Variants in NIPAL1 observed in about 807,000 individuals in gnomAD.
The protein encoded by NIPAL1 is NIPA like domain containing 1.
Under a neutral mutation model 37.7 loss-of-function variants are expected in NIPAL1, and 35 were observed. That is an observed-to-expected ratio of 0.93 (90% CI 0.71 to 1.23). NIPAL1 has a LOEUF of 1.23. Among genes scored for constraint, NIPAL1 ranks in the 50% most tolerant of loss-of-function variants. NIPAL1 has a pLI of 0.00. For missense variants in NIPAL1, 412 were observed against 473.9 expected (o/e 0.87, Z 1.21); for synonymous variants, 162 against 183.0 (o/e 0.89, Z 0.93).
intron 2 of NIPAL1, 33 bp from the exon 3 acceptor site, chr4:48,030,087 A>G (rs1326840714): frequency 2.1e-6 from 3 of 1,402,688 alleles, no homozygotes; most frequent in Non-Finnish European, 3.0e-6. Context: ...TGTAGAACCC[A>G]TTTTTTGTTA....
Position 48,035,135 on chromosome 4 carries a change from CA to C in NIPAL1, c.622+95del. The C allele has an allele frequency of 2.9e-6, 3 of 1,045,554 alleles. No individual in the cohort carries two copies. In the South Asian group the frequency reaches 4.1e-5, roughly 14 times the overall value. 64.8% of individuals were successfully genotyped at this position (1,045,554 alleles called of 1,614,324 possible). On this transcript the variant is annotated intron_variant, in intron 5 of 5. Coordinates refer to ENST00000295461, the MANE Select transcript of NIPAL1 (RefSeq NM_207330.3). ...TAATAATATTGTAATAAGCTTTCTA[CA>C]TTGTGGGCCGCATTGTGGGTTGTGA...
Position 48,036,182 on chromosome 4 carries a change from A to G in NIPAL1, c.*10A>G. 6.3e-7 allele frequency: 1 copy of G among 1,585,852 alleles called. No homozygotes were observed. The highest frequency in any genetic ancestry group is 8.5e-7 in the Non-Finnish European group (1 of 1,173,260). ...TAGAACTGATGACTGAAGTCTCTAG[A>G]AACACTGAGTTTTAACCAATATGAG... On this transcript the variant is annotated 3_prime_UTR_variant, in exon 6 of 6. Transcript: ENST00000295461.
rs1384972631 is a variant in NIPAL1, at chr4:48,027,105, G to A, written c.313+1771G>A. On this transcript the variant is annotated intron_variant, in intron 2 of 5. Coordinates refer to ENST00000295461, the MANE Select transcript of NIPAL1 (RefSeq NM_207330.3). This position sits in a 1 kb window ranked among gnomAD's most constrained non-coding sequence, Gnocchi z 4.1. ...TTTATATAAAGGAAGAGATTATCTA[G>A]ATTGACAAAAAAAATCCTATATGGA... 6.6e-6 allele frequency among the ~76,000 whole-genome samples: 1 copy of A among 151,892 alleles called. No individual in the cohort carries two copies. Among genetic ancestry groups the A allele is most frequent in the Non-Finnish European group, 1.5e-5 (1 of 67,976 alleles).
At chr4:48,025,035 A>C (rs1262882316) in intron 1 of NIPAL1, 33 bp from the exon 2 acceptor site, 14 of 1,599,398 alleles carry the variant, frequency 8.8e-6, no homozygotes, top group Non-Finnish European at 1.2e-5. Context: ...TCTCCCTTTC[A>C]TTCCTGACAT....
Position 48,037,263 on chromosome 4 carries a change from G to A in NIPAL1, c.*1091G>A, listed in dbSNP as rs182844111. 2.8e-3 allele frequency: 1,226 copies of A among 437,298 alleles called. 5 individuals are homozygous for A. The highest frequency in any genetic ancestry group is 3.9e-3 in the Non-Finnish European group (855 of 221,118). The allele number at this position is 437,298 out of a possible 1,614,324, so 27.1% of individuals were successfully genotyped here. A position where few individuals can be genotyped will look rare whatever the true frequency, so the allele number is the denominator to read the frequency against. ...TTTCTTCTCACAAAAACACAGACAC[G>A]TGATTGTTTTCACAGGTTCCATTAA... is the stretch of plus-strand genomic sequence containing the variant. On this transcript the variant is annotated 3_prime_UTR_variant, in exon 6 of 6. Coordinates refer to ENST00000295461, the MANE Select transcript of NIPAL1 (RefSeq NM_207330.3).
chr4:48,036,463 C>T lies in NIPAL1; in HGVS notation c.*291C>T. ...TCTGGTCACAGTATCTTTGTCTCTGCCAGGTGGCTCTTCATTTCTTTGGTA... is the reference window on the plus strand; with the variant it reads ...TCTGGTCACAGTATCTTTGTCTCTGTCAGGTGGCTCTTCATTTCTTTGGTA... On this transcript the variant is annotated 3_prime_UTR_variant, in exon 6 of 6. Coordinates refer to ENST00000295461, the MANE Select transcript of NIPAL1 (RefSeq NM_207330.3). The T allele has an allele frequency of 2.9e-6, 1 of 344,892 alleles. No individual in the cohort carries two copies. Among genetic ancestry groups the T allele is most frequent in the Non-Finnish European group, 5.2e-6 (1 of 191,034 alleles). 21.4% of individuals were successfully genotyped at this position (344,892 alleles called of 1,614,324 possible).
chr4:48,032,923 T>A, intron 3 of NIPAL1, 70 bp from the exon 4 acceptor site: 1 of 1,018,990 alleles, frequency 9.8e-7, no homozygotes, highest in Non-Finnish European at 1.5e-6. Flanking sequence ...CTGCTTTGCA[T>A]GAGTCATTTG....
chr4:48,034,735 C>T (rs112119537), intron 4 of NIPAL1, 146 bp from the exon 5 acceptor site: 3 of 595,418 alleles, frequency 5.0e-6, no homozygotes, highest in African/African-American at 3.7e-5. Context: ...AGTTTCAAAC[C>T]AATCTAGGGT....
chr4:48,032,216 A>G (rs1010424766), intron 3 of NIPAL1, among the ~76,000 whole-genome samples: 5 of 152,222 alleles, frequency 3.3e-5, no homozygotes, highest in African/African-American at 9.6e-5. Context: ...TCTCTCTACA[A>G]TAAGCATTTG....
intron 2 of NIPAL1, among the ~76,000 whole-genome samples, chr4:48,026,435 G>A (rs920307044): frequency 4.0e-4 from 61 of 152,210 alleles, no homozygotes; most frequent in African/African-American, 1.4e-3. Flanking sequence ...GAGGAGATTT[G>A]TACTATCAGA....
rs149373860 is a variant in NIPAL1, at chr4:48,020,799, A to G, written c.46+3914A>G. The stretch of plus-strand genomic sequence containing the variant: ...AGGTAAGGGGCTGAATACTGAATGA[A>G]TAATAATCCAAACTATCACAGTAGA... On this transcript the variant is annotated intron_variant, in intron 1 of 5. Coordinates refer to ENST00000295461, the MANE Select transcript of NIPAL1 (RefSeq NM_207330.3). 1.2e-3 allele frequency among the ~76,000 whole-genome samples: 179 copies of G among 152,352 alleles called. 2 individuals are homozygous for G. The East Asian group carries it at 0.013, about 11-fold the overall frequency.
At chr4:48,022,189 C>T (rs1715586175) in intron 1 of NIPAL1, among the ~76,000 whole-genome samples, 1 of 152,062 alleles carries the variant, frequency 6.6e-6, no homozygotes, top group African/African-American at 2.4e-5. Flanking sequence ...CTCCAAATTC[C>T]CTGCCCACAC....
chr4:48,036,082 T>C lies in NIPAL1; in HGVS notation c.1143T>C (p.Asn381=). The change falls in exon 6 of 6, where the codon AAT becomes AAC. Residue 381 remains asparagine, a synonymous_variant. Coordinates refer to ENST00000295461, the MANE Select transcript of NIPAL1 (RefSeq NM_207330.3). The part of the protein sequence containing the change: ...AKKEAVSLNV[N]ENNYVLLENL... ...AAGAAGCCGTCTCTCTGAATGTCAA[T>C]GAAAACAATTATGTTTTACTAGAGA... 1.2e-6 allele frequency: 2 copies of C among 1,609,504 alleles called. No homozygotes were observed. Among genetic ancestry groups the C allele is most frequent in the Non-Finnish European group, 1.7e-6 (2 of 1,178,660 alleles).
intron 1 of NIPAL1, among the ~76,000 whole-genome samples, chr4:48,017,836 T>TAC (rs1394379921): frequency 1.4e-5 from 2 of 144,906 alleles, no homozygotes; most frequent in South Asian, 2.3e-4. Flanking sequence ...ACTATATATA[T>TAC]ACACATATAT....
chr4:48,025,356 T>A, intron 2 of NIPAL1, 22 bp downstream of exon 2: 1 of 1,606,850 alleles, frequency 6.2e-7, no homozygotes. Flanking sequence ...ATGCAACTAA[T>A]GAATTTAAGT....
Position 48,039,945 on chromosome 4 carries a change from A to C in NIPAL1, c.*3773A>C, listed in dbSNP as rs1034172939. The C allele has an allele frequency of 6.6e-6, 1 of 152,216 alleles. No homozygotes were observed. The highest frequency in any genetic ancestry group is 2.4e-5 in the African/African-American group (1 of 41,458). 9.4% of individuals were successfully genotyped at this position (152,216 alleles called of 1,614,324 possible). ...ACACCAATACAAAATTATTCCAATA[A>C]AAATATTTTTCTTAATAAAACCAGA... On this transcript the variant is annotated 3_prime_UTR_variant, in exon 6 of 6. Coordinates refer to ENST00000295461, the MANE Select transcript of NIPAL1 (RefSeq NM_207330.3).
Position 48,035,951 on chromosome 4 carries a change from AT to A in NIPAL1, c.1014del (p.Ile338MetfsTer4), listed in dbSNP as rs1468577205. The A allele has an allele frequency of 6.2e-7, 1 of 1,613,848 alleles. No homozygotes were observed. Among genetic ancestry groups the A allele is most frequent in the Non-Finnish European group, 8.5e-7 (1 of 1,179,910 alleles). On this transcript the variant is annotated frameshift_variant, in exon 6 of 6. Coordinates refer to ENST00000295461, the MANE Select transcript of NIPAL1 (RefSeq NM_207330.3). LOFTEE classifies it high-confidence loss of function. ...EWYGMTAGDIIGTLSGFFTII... is the reference protein window; with the variant it reads ...EWYGMTAGDIXGTLSGFFTII... The stretch of plus-strand genomic sequence containing the variant: ...GTATGGCATGACAGCTGGAGATATC[AT>A]TGGGACCCTGAGTGGATTCTTCACT...
In NIPAL1 at chr4:48,035,645, A is replaced by C; in HGVS notation, c.706A>C (p.Ile236Leu). ...IVAPKKGQTN[I>L]LVYISICSLI... The stretch of plus-strand genomic sequence containing the variant: ...GGCTCCCAAGAAAGGACAGACCAAT[A>C]TATTGGTTTATATTTCAATCTGTTC... Residue 236 changes from isoleucine (I) to leucine (L), a missense_variant, in exon 6 of 6, where the codon ATA becomes CTA. Transcript: ENST00000295461. 6.2e-7 allele frequency: 1 copy of C among 1,613,786 alleles called. No homozygotes were observed. Among genetic ancestry groups the C allele is most frequent in the Non-Finnish European group, 8.5e-7 (1 of 1,179,902 alleles).
At chr4:48,019,217 T>C (rs1355811567) in intron 1 of NIPAL1, among the ~76,000 whole-genome samples, 1 of 152,182 alleles carries the variant, frequency 6.6e-6, no homozygotes, top group Non-Finnish European at 1.5e-5. Flanking sequence ...TTCACTGTGT[T>C]GACCAGGCTG....
Sources: gnomAD v4.1 joint callset for allele counts (sites outside exome capture counted in the v4.1 genomes callset) on GRCh38, gnomAD v4.1.1 for gene constraint, Gnocchi (gnomAD v3.1) non-coding constraint, MANE v1.5 for transcripts, NCBI Gene and HGNC (gene_info 2026-07-23, HGNC 2026-07-21) for gene names.